Variants in MYO16 observed in about 807,000 individuals in gnomAD.
The protein encoded by MYO16 is unconventional myosin-XVI.
A neutral mutation model predicts 205.3 loss-of-function variants in MYO16; 94 were observed. That is an observed-to-expected ratio of 0.46 (90% CI 0.39 to 0.54). The LOEUF (loss-of-function observed/expected upper bound fraction) is 0.54, where lower values mean the gene tolerates loss of function less well. Ranked by LOEUF, MYO16 falls within the 20% of genes least tolerant of loss-of-function variation. The pLI is 0.00. For synonymous variants in MYO16, 988 were observed against 954.0 expected (o/e 1.04, Z -0.66); for missense variants, 2,315 against 2,387.5 (o/e 0.97, Z 0.63).
chr13:108,961,506 C>G (rs960712407), intron 17 of MYO16, 33 bp from the exon 18 acceptor site: 4 of 1,549,880 alleles, frequency 2.6e-6, no homozygotes, highest in Non-Finnish European at 3.6e-6. Context: ...TTCTAAGCAC[C>G]CTATTCATTC....
chr13:108,659,790 G>T (rs1466069103), intron 1 of MYO16, among the ~76,000 whole-genome samples: 2 of 152,168 alleles, frequency 1.3e-5, no homozygotes, highest in Non-Finnish European at 2.9e-5. Context: ...ACTACCTCCT[G>T]TTCCAGAGGC....
chr13:108,580,052 T>C, the MYO16 span, among the ~76,000 whole-genome samples: 1 of 152,144 alleles, frequency 6.6e-6, no homozygotes, highest in East Asian at 1.9e-4. Flanking sequence ...ATAATTCAAA[T>C]ACGTAATAAA....
chr13:108,823,253 G>T lies in MYO16; in HGVS notation c.1072G>T (p.Asp358Tyr), dbSNP rs745581651. ...AGAGCCCTATGAAGAGATCATTCAC[G>T]ATCTTCCCGTACTGTCGAGTAAGCT... The part of the protein sequence containing the change: ...QEEPYEEIIH[D>Y]LPVLSSKLSP... Residue 358 changes from aspartate to tyrosine, a missense_variant, in exon 9 of 35, where the codon GAT (aspartate) becomes TAT (tyrosine). This residue lies in a region of MYO16 where 1,213 missense variants were observed against 1,274.4 expected (regional missense o/e 0.95). Transcript: ENST00000457511. 6.2e-7 allele frequency: 1 copy of T among 1,611,992 alleles called. No homozygotes were observed.
chr13:109,027,964 A>C (rs1485581976), intron 23 of MYO16, among the ~76,000 whole-genome samples: 1 of 152,120 alleles, frequency 6.6e-6, no homozygotes, highest in East Asian at 1.9e-4. Flanking sequence ...GTAAGTGGTA[A>C]AGTGTCCTTG....
chr13:109,041,593 G>A (rs770743409), intron 23 of MYO16, among the ~76,000 whole-genome samples: 8 of 152,082 alleles, frequency 5.3e-5, no homozygotes, highest in Non-Finnish European at 8.8e-5. Context: ...GGCAACATGC[G>A]GGATCCGTGT....
intron 16 of MYO16, among the ~76,000 whole-genome samples, chr13:108,919,816 T>A (rs1220526419): frequency 6.6e-6 from 1 of 152,218 alleles, no homozygotes; most frequent in Non-Finnish European, 1.5e-5. Context: ...AACCAAACAT[T>A]CACGTATGAC....
intron 10 of MYO16, among the ~76,000 whole-genome samples, chr13:108,854,365 G>A (rs1878060194): frequency 6.6e-6 from 1 of 151,876 alleles, no homozygotes; most frequent in Non-Finnish European, 1.5e-5. Flanking sequence ...TGAACTCATG[G>A]GAAAGATTTT....
At chr13:108,754,409 A>C (rs551494217) in intron 4 of MYO16, among the ~76,000 whole-genome samples, 1 of 152,368 alleles carries the variant, frequency 6.6e-6, no homozygotes, top group South Asian at 2.1e-4. Context: ...TAAGGAATAA[A>C]TTAATGCACA....
At chr13:108,551,309 G>T in the MYO16 span, among the ~76,000 whole-genome samples, 6 of 152,130 alleles carry the variant, frequency 3.9e-5, no homozygotes, top group Non-Finnish European at 7.3e-5. Flanking sequence ...TCCTCCTGTA[G>T]CTTGCTCCCT....
intron 20 of MYO16, among the ~76,000 whole-genome samples, chr13:108,966,443 T>C (rs1166777947): frequency 6.6e-6 from 1 of 152,196 alleles, no homozygotes; most frequent in Non-Finnish European, 1.5e-5. Context: ...GAAATACTTA[T>C]ATAATGGTCT....
At chr13:109,184,211 A>T (rs920977866) in intron 34 of MYO16, among the ~76,000 whole-genome samples, 1 of 152,122 alleles carries the variant, frequency 6.6e-6, no homozygotes, top group African/African-American at 2.4e-5. Context: ...ATATAACCAT[A>T]TATGAGCTAC....
chr13:108,725,617 C>G (rs907160071), intron 3 of MYO16, among the ~76,000 whole-genome samples: 1 of 152,184 alleles, frequency 6.6e-6, no homozygotes, highest in South Asian at 2.1e-4. Flanking sequence ...CCGTTTCTTG[C>G]AACTTATGAG....
At chr13:108,752,099 G>C (rs1885255094) in intron 4 of MYO16, among the ~76,000 whole-genome samples, 1 of 152,114 alleles carries the variant, frequency 6.6e-6, no homozygotes, top group Non-Finnish European at 1.5e-5. Flanking sequence ...GAGGTATATA[G>C]GAATGCTCTG....
At chr13:109,000,706 AC>A (rs1885184006) in intron 21 of MYO16, among the ~76,000 whole-genome samples, 1 of 152,118 alleles carries the variant, frequency 6.6e-6, no homozygotes, top group Non-Finnish European at 1.5e-5. Flanking sequence ...TATGTTTCTA[AC>A]TCTTGGGCAT....
At chr13:109,020,381 A>G (rs1337764479) in intron 23 of MYO16, among the ~76,000 whole-genome samples, 1 of 152,142 alleles carries the variant, frequency 6.6e-6, no homozygotes. Context: ...TCTTACTTCA[A>G]CACCTTCAAG....
chr13:108,996,601 T>G (rs1885010433), intron 21 of MYO16, among the ~76,000 whole-genome samples: 1 of 152,190 alleles, frequency 6.6e-6, no homozygotes, highest in Non-Finnish European at 1.5e-5. Flanking sequence ...TTGCTTCAAA[T>G]GAGTCCACCT....
rs118168489 is a variant in MYO16 at position 108,942,786 on chromosome 13, T to G, written c.1926-14902T>G. Among the ~76,000 whole-genome samples the G allele has an allele frequency of 5.3e-3, 813 of 152,288 alleles. 3 individuals carry two copies. The highest frequency in any genetic ancestry group is 8.6e-3 in the Non-Finnish European group (588 of 68,018). On this transcript the variant is annotated intron_variant, in intron 16 of 34. Coordinates refer to ENST00000457511, the MANE Select transcript of MYO16 (RefSeq NM_001198950.3). ...TTCCTTGACTGAGGACTTACTATCT[T>G]AAATCAGCAGTTTATAATAACAAAA... is the stretch of plus-strand genomic sequence containing the variant.
chr13:108,766,655 G>A (rs1435074616), intron 4 of MYO16, among the ~76,000 whole-genome samples: 2 of 152,332 alleles, frequency 1.3e-5, no homozygotes, highest in South Asian at 2.1e-4. Context: ...CCAACAAGAT[G>A]TGCGTCTGTT....
chr13:109,178,059 A>T (rs531727257), intron 33 of MYO16, among the ~76,000 whole-genome samples: 11 of 151,652 alleles, frequency 7.3e-5, no homozygotes, highest in Non-Finnish European at 1.6e-4. Flanking sequence ...CCGGAAACAC[A>T]TTTTTTTTCC....
Sources: gnomAD v4.1 joint callset for allele counts (sites outside exome capture counted in the v4.1 genomes callset) on GRCh38, gnomAD v4.1.1 for gene constraint, gnomAD v4.1.1 regional missense constraint, MANE v1.5 for transcripts, NCBI Gene and HGNC (gene_info 2026-07-23, HGNC 2026-07-21) for gene names.